Variants in AGTPBP1 observed in about 807,000 individuals in gnomAD.
AGTPBP1 encodes the protein ATP/GTP binding carboxypeptidase 1.
AGTPBP1 carries 70 observed loss-of-function variants against 143.9 expected under a neutral mutation model. The observed-to-expected ratio is 0.49, with a 90% CI of 0.40 to 0.59. The LOEUF is 0.59. AGTPBP1 is among the 20% of genes least tolerant of loss of function. The pLI, the probability that AGTPBP1 is intolerant of heterozygous loss-of-function variation, is 0.00. For synonymous variants in AGTPBP1, 463 were observed against 500.2 expected (o/e 0.93, Z 0.99); for missense variants, 1,229 against 1,464.5 (o/e 0.84, Z 2.62).
At chr9:85,586,767 T>G in intron 22 of AGTPBP1, 64 bp downstream of exon 22, 1 of 1,550,194 alleles carries the variant, frequency 6.5e-7, no homozygotes, top group East Asian at 2.3e-5. Context: ...ACACAAGTGC[T>G]TGATAATTAA....
chr9:85,773,618 G>A, the AGTPBP1 span, among the ~76,000 whole-genome samples: 4 of 151,936 alleles, frequency 2.6e-5, no homozygotes, highest in South Asian at 2.1e-4. Flanking sequence ...GACTACAGAC[G>A]TGAGCCACCG....
At chr9:85,712,628 C>A in intron 1 of AGTPBP1, 62 bp from the exon 2 acceptor site, 1 of 759,878 alleles carries the variant, frequency 1.3e-6, no homozygotes, top group Middle Eastern at 4.1e-4. Flanking sequence ...TATTAGATAT[C>A]ACAGAAGCCA....
chr9:85,690,054 C>T (rs1363778068), intron 3 of AGTPBP1, among the ~76,000 whole-genome samples: 1 of 150,922 alleles, frequency 6.6e-6, no homozygotes, highest in Non-Finnish European at 1.5e-5. Context: ...ATTACTACAC[C>T]TCCAACAGTG....
At chr9:85,777,136 TC>T in the AGTPBP1 span, among the ~76,000 whole-genome samples, 1 of 152,106 alleles carries the variant, frequency 6.6e-6, no homozygotes, top group Non-Finnish European at 1.5e-5. Context: ...CTGCCACACT[TC>T]TTTAGCCATA....
intron 25 of AGTPBP1, among the ~76,000 whole-genome samples, chr9:85,564,893 G>A (rs1826981420): frequency 6.6e-6 from 1 of 152,208 alleles, no homozygotes; most frequent in Non-Finnish European, 1.5e-5. Flanking sequence ...TGGAAATGAT[G>A]TATTTTGCTT....
At chr9:85,704,778 A>G (rs1030370008) in intron 2 of AGTPBP1, among the ~76,000 whole-genome samples, 2 of 152,196 alleles carry the variant, frequency 1.3e-5, no homozygotes, top group African/African-American at 4.8e-5. Context: ...ATGAACAAAG[A>G]ATAGATACAA....
intron 13 of AGTPBP1, among the ~76,000 whole-genome samples, chr9:85,639,676 A>C (rs879599010): frequency 6.6e-6 from 1 of 152,236 alleles, no homozygotes; most frequent in Non-Finnish European, 1.5e-5. Flanking sequence ...GGAAAACAAG[A>C]AAGAAAAACA....
At position 85,675,853 on chromosome 9, in the gene AGTPBP1, G is replaced by A. The variant is rs561302320; in HGVS notation, c.436+1583C>T. 5.9e-5 allele frequency among the ~76,000 whole-genome samples: 9 copies of A among 152,010 alleles called. No individual in the cohort carries two copies. In the South Asian group the frequency reaches 1.2e-3, roughly 21 times the overall value. ...ATCCTGGCCAACATGGTGAAACCCC[G>A]TCTCTACTAAAAATACAAAAAATTA... is the stretch of plus-strand genomic sequence containing the variant. On this transcript the variant is annotated intron_variant, in intron 6 of 25. Transcript: ENST00000357081.
chr9:85,590,835 A>G (rs1017122348), intron 19 of AGTPBP1, among the ~76,000 whole-genome samples: 2 of 152,206 alleles, frequency 1.3e-5, no homozygotes, highest in East Asian at 3.8e-4. Flanking sequence ...AGTAAGATTC[A>G]TTACAGCTAC....
intron 25 of AGTPBP1, among the ~76,000 whole-genome samples, chr9:85,554,433 T>G (rs1430161196): frequency 1.3e-5 from 2 of 152,140 alleles, no homozygotes; most frequent in African/African-American, 2.4e-5. Context: ...CAACAGAAAT[T>G]TCTGGTAGTC....
At chr9:85,623,293 A>AG (rs1831059855) in intron 14 of AGTPBP1, among the ~76,000 whole-genome samples, 1 of 152,154 alleles carries the variant, frequency 6.6e-6, no homozygotes, top group African/African-American at 2.4e-5. Flanking sequence ...TTTAAAAAAA[A>AG]AAATGCCACT....
intron 2 of AGTPBP1, among the ~76,000 whole-genome samples, chr9:85,705,788 T>C (rs963607736): frequency 1.6e-4 from 25 of 152,096 alleles, no homozygotes; most frequent in African/African-American, 5.3e-4. Flanking sequence ...CCTTCCGGGT[T>C]CACGCTATTC....
At chr9:85,764,876 C>T in the AGTPBP1 span, 1 of 1,262,736 alleles carries the variant, frequency 7.9e-7, no homozygotes, top group Admixed American at 1.7e-5. Flanking sequence ...GAAACGAAGA[C>T]ACATTTTTAA....
rs143907282 is a variant in AGTPBP1, at chr9:85,679,557, G to A, written c.226-1159C>T. On this transcript the variant is annotated intron_variant, in intron 4 of 25. Transcript: ENST00000357081. ...CAAGCAGCTGGGACTACAGGCGTCC[G>A]CCACCACATCCAACTAATTTTTTTG... is the stretch of plus-strand genomic sequence containing the variant. Among the ~76,000 whole-genome samples the A allele has an allele frequency of 3.7e-4, 56 of 152,102 alleles. No homozygotes were observed. In the East Asian group the frequency reaches 0.01, roughly 27 times the overall value.
chr9:85,693,436 A>G (rs912983048), intron 2 of AGTPBP1, among the ~76,000 whole-genome samples: 2 of 152,196 alleles, frequency 1.3e-5, no homozygotes, highest in African/African-American at 4.8e-5. Context: ...ATCTTTACTA[A>G]AAATACAAAA....
At chr9:85,721,621 T>C (rs1474786017) in intron 1 of AGTPBP1, among the ~76,000 whole-genome samples, 7 of 152,190 alleles carry the variant, frequency 4.6e-5, no homozygotes, top group Non-Finnish European at 1.0e-4. Context: ...TGACTCTTTA[T>C]CCAATTTGCC....
chr9:85,746,874 G>A (rs1224552933), upstream of AGTPBP1, among the ~76,000 whole-genome samples: 1 of 151,538 alleles, frequency 6.6e-6, no homozygotes, highest in Non-Finnish European at 1.5e-5. Context: ...GTACAATTTT[G>A]TTTTTTTTGA....
intron 1 of AGTPBP1, among the ~76,000 whole-genome samples, chr9:85,728,789 G>A (rs931431028): frequency 4.0e-5 from 6 of 150,444 alleles, no homozygotes; most frequent in African/African-American, 1.5e-4. Flanking sequence ...AAAAAAAAAA[G>A]TTGGCTTATT....
intron 14 of AGTPBP1, among the ~76,000 whole-genome samples, chr9:85,632,385 G>T (rs945983827): frequency 3.3e-5 from 5 of 152,048 alleles, no homozygotes; most frequent in Non-Finnish European, 1.5e-5. Context: ...ATCTGTTTTT[G>T]TATTTTGAGA....
Sources: gnomAD v4.1 joint callset for allele counts (sites outside exome capture counted in the v4.1 genomes callset) on GRCh38, gnomAD v4.1.1 for gene constraint, MANE v1.5 for transcripts, NCBI Gene and HGNC (gene_info 2026-07-23, HGNC 2026-07-21) for gene names.